PDE4D: variants seen among roughly 807,000 people sequenced by gnomAD.
PDE4D encodes the protein 3',5'-cyclic-AMP phosphodiesterase 4D.
PDE4D carries 24 observed loss-of-function variants against 87.4 expected under a neutral mutation model. That is an observed-to-expected ratio of 0.27 (90% confidence interval 0.20 to 0.39). The LOEUF is 0.39. Among genes scored for constraint, PDE4D ranks in the 10% least tolerant of loss-of-function variants. The probability of loss-of-function intolerance (pLI) is 1.00; values close to 1 mark genes in which losing one functional copy is unlikely to be tolerated. For synonymous variants in PDE4D, 384 were observed against 383.2 expected (o/e 1.00, Z -0.02); for missense variants, 714 against 1,041.0 (o/e 0.69, Z 4.32).
At chr5:59,558,317 G>A (rs1234624612) in intron 1 of PDE4D, among the ~76,000 whole-genome samples, 4 of 152,134 alleles carry the variant, frequency 2.6e-5, no homozygotes, top group Non-Finnish European at 4.4e-5. Flanking sequence ...TGGGAGTGGG[G>A]TTAGGGATTA....
At chr5:59,603,263 A>C (rs1192663912) in intron 1 of PDE4D, among the ~76,000 whole-genome samples, 2 of 151,974 alleles carry the variant, frequency 1.3e-5, no homozygotes, top group Admixed American at 1.3e-4. Flanking sequence ...TCTAATAAGG[A>C]ATTTGTATCC....
At chr5:60,129,585 T>C (rs544397496) in intron 2 of PDE4D, among the ~76,000 whole-genome samples, 1 of 152,218 alleles carries the variant, frequency 6.6e-6, no homozygotes, top group East Asian at 1.9e-4. Flanking sequence ...AGTTTGTATA[T>C]CCATGAAGCT....
At chr5:59,025,418 C>G (rs1756025768) in intron 6 of PDE4D, among the ~76,000 whole-genome samples, 1 of 152,158 alleles carries the variant, frequency 6.6e-6, no homozygotes, top group African/African-American at 2.4e-5. Flanking sequence ...AATAAATGCA[C>G]TTTTCTTTGT....
At chr5:59,706,147 C>T (rs920246612) in intron 1 of PDE4D, among the ~76,000 whole-genome samples, 6 of 152,098 alleles carry the variant, frequency 3.9e-5, no homozygotes, top group Admixed American at 1.3e-4. Flanking sequence ...CACTAGTGCC[C>T]TGGGGATTGG....
chr5:59,994,602 C>T (rs1763345766), intron 2 of PDE4D, among the ~76,000 whole-genome samples: 1 of 151,948 alleles, frequency 6.6e-6, no homozygotes, highest in South Asian at 2.1e-4. Flanking sequence ...TGAGTACAAC[C>T]CCCTATTTCT....
intron 2 of PDE4D, among the ~76,000 whole-genome samples, chr5:59,199,824 ATGTGTG>A (rs763445177): frequency 6.6e-6 from 1 of 151,944 alleles, no homozygotes; most frequent in African/African-American, 2.4e-5. Context: ...CTTGATCTTT[ATGTGTG>A]TGTATGTGTA....
chr5:60,024,129 C>A lies in PDE4D; in HGVS notation c.43-35412G>T, dbSNP rs187025932. On this transcript the variant is annotated intron_variant, in intron 2 of 16. Transcript: ENST00000502484. ...TTTTCCTTAAAAAATAAATAGTATT[C>A]ATGGTTAGAATTTTCTAATTCAACT... 1.2e-4 allele frequency among the ~76,000 whole-genome samples: 19 copies of A among 152,206 alleles called. No individual in the cohort carries two copies. The East Asian group carries it at 3.7e-3, about 29-fold the overall frequency.
chr5:59,557,343 A>T (rs760036059), intron 1 of PDE4D, among the ~76,000 whole-genome samples: 1 of 152,174 alleles, frequency 6.6e-6, no homozygotes, highest in African/African-American at 2.4e-5. Flanking sequence ...CACCCCCTAC[A>T]TTGGTATAGA....
At chr5:59,534,910 T>A (rs1814877698) in intron 1 of PDE4D, among the ~76,000 whole-genome samples, 1 of 152,136 alleles carries the variant, frequency 6.6e-6, no homozygotes, top group Non-Finnish European at 1.5e-5. Context: ...TGGGCCAGGT[T>A]TGAATGTGAT....
At position 59,893,446 on chromosome 5, in the gene PDE4D, C is replaced by G. The variant is rs1186584519; in HGVS notation, c.177G>C (p.Pro59=). 1.2e-5 allele frequency: 18 copies of G among 1,507,938 alleles called. No homozygotes were observed. The highest frequency in any genetic ancestry group is 1.6e-5 in the Non-Finnish European group (18 of 1,125,152). 93.4% of individuals were successfully genotyped at this position (1,507,938 alleles called of 1,614,324 possible). ...RLLHPHHHLP[P]PPPPSPQPQP... Reference sequence around the variant, plus strand: ...GGGGCTGGGGCGAGGGTGGCGGCGGCGGGGGCAGGTGGTGATGGGGATGCA... The same window carrying G: ...GGGGCTGGGGCGAGGGTGGCGGCGGGGGGGGCAGGTGGTGATGGGGATGCA... Residue 59 remains proline (P), a synonymous_variant, in exon 1 of 15, where the codon CCG becomes CCC. Coordinates refer to ENST00000340635, the MANE Select transcript of PDE4D (RefSeq NM_001104631.2).
At chr5:59,578,587 C>A (rs958598816) in intron 1 of PDE4D, among the ~76,000 whole-genome samples, 1 of 152,092 alleles carries the variant, frequency 6.6e-6, no homozygotes, top group Admixed American at 6.6e-5. Context: ...GTCTTGTACT[C>A]TCTCTTCAAT....
intron 3 of PDE4D, among the ~76,000 whole-genome samples, chr5:59,944,140 T>G (rs1339712325): frequency 6.6e-6 from 1 of 152,270 alleles, no homozygotes; most frequent in Non-Finnish European, 1.5e-5. Flanking sequence ...GTTAACTTAA[T>G]GCCGTGGAGT....
At chr5:60,214,981 C>T (rs977402258) in intron 1 of PDE4D, among the ~76,000 whole-genome samples, 6 of 152,142 alleles carry the variant, frequency 3.9e-5, no homozygotes, top group African/African-American at 1.4e-4. Context: ...ATGCTACTCT[C>T]AGAATCATCT....
At chr5:59,230,898 T>C (rs1207334877) in intron 1 of PDE4D, among the ~76,000 whole-genome samples, 1 of 152,148 alleles carries the variant, frequency 6.6e-6, no homozygotes, top group Non-Finnish European at 1.5e-5. Context: ...TTTTCAATCT[T>C]ACTGGGCAAA....
At chr5:60,409,720 T>C (rs966902555) in intron 1 of PDE4D, among the ~76,000 whole-genome samples, 4 of 152,380 alleles carry the variant, frequency 2.6e-5, no homozygotes, top group Non-Finnish European at 5.9e-5. Flanking sequence ...TGCCAAGTCT[T>C]ACTGACATAT....
chr5:59,157,870 C>T (rs1780484254), intron 5 of PDE4D, among the ~76,000 whole-genome samples: 1 of 152,102 alleles, frequency 6.6e-6, no homozygotes, highest in South Asian at 2.1e-4. Flanking sequence ...GAAAGGATGA[C>T]CTCAGGATTT....
chr5:59,815,572 G>A (rs58511895), intron 1 of PDE4D, among the ~76,000 whole-genome samples: 2,866 of 152,272 alleles, frequency 0.019, 92 homozygotes, highest in African/African-American at 0.065. Context: ...TAGGGATTGA[G>A]TTAATACATA....
chr5:60,133,740 A>G (rs1299750815), intron 2 of PDE4D, among the ~76,000 whole-genome samples: 1 of 152,188 alleles, frequency 6.6e-6, no homozygotes, highest in African/African-American at 2.4e-5. Context: ...ATTCTAGGAC[A>G]TCTTAATTAT....
chr5:60,317,442 T>TC (rs1755738079), intron 1 of PDE4D, among the ~76,000 whole-genome samples: 1 of 152,162 alleles, frequency 6.6e-6, no homozygotes, highest in Non-Finnish European at 1.5e-5. Flanking sequence ...AAACCAGCTC[T>TC]TGGATTCATT....
Sources: allele counts gnomAD v4.1 joint callset (sites outside exome capture counted in the v4.1 genomes callset), GRCh38; gene constraint gnomAD v4.1.1; transcripts MANE v1.5; gene names NCBI Gene and HGNC (gene_info 2026-07-23, HGNC 2026-07-21).